Variants in TRIM55 observed in about 807,000 individuals in gnomAD.
TRIM55 encodes the protein tripartite motif-containing protein 55.
In TRIM55, 50 loss-of-function variants were observed where a neutral mutation model predicts 60.9. The observed-to-expected ratio is 0.82, with a 90% CI of 0.65 to 1.04. The LOEUF (loss-of-function observed/expected upper bound fraction) is 1.04, where lower values mean the gene tolerates loss of function less well. TRIM55 is among the 50% of genes least tolerant of loss of function. The pLI is 0.00. For synonymous variants in TRIM55, 237 were observed against 238.1 expected (o/e 1.00, Z 0.04); for missense variants, 681 against 666.9 (o/e 1.02, Z -0.23).
chr8:66,170,117 C>T (rs1490776343), intron 9 of TRIM55, among the ~76,000 whole-genome samples: 1 of 152,060 alleles, frequency 6.6e-6, no homozygotes, highest in Non-Finnish European at 1.5e-5. Context: ...TGTATACTCC[C>T]ATTACACATT....
chr8:66,135,879 T>C (rs1030364345), intron 3 of TRIM55, among the ~76,000 whole-genome samples: 2 of 152,098 alleles, frequency 1.3e-5, no homozygotes, highest in Non-Finnish European at 2.9e-5. Context: ...CTGGTACAGA[T>C]AAAAGTGGAG....
At chr8:66,154,712 G>C (rs1810644727) in intron 9 of TRIM55, among the ~76,000 whole-genome samples, 1 of 152,128 alleles carries the variant, frequency 6.6e-6, no homozygotes, top group East Asian at 1.9e-4. Context: ...TGTCCTCCTT[G>C]GGCTTCTAAA....
chr8:66,114,161 G>A, the TRIM55 span, among the ~76,000 whole-genome samples: 158 of 147,848 alleles, frequency 1.1e-3, no homozygotes, highest in African/African-American at 3.7e-3. Context: ...TTCTCTAAAG[G>A]AACAGATAAT....
At chr8:66,156,772 C>T (rs1342900155) in intron 9 of TRIM55, among the ~76,000 whole-genome samples, 2 of 152,092 alleles carry the variant, frequency 1.3e-5, no homozygotes, top group African/African-American at 4.8e-5. Flanking sequence ...TCAGCAATGG[C>T]GGTGGCGTCT....
the TRIM55 span, among the ~76,000 whole-genome samples, chr8:66,120,790 A>G: frequency 1.8e-4 from 27 of 152,284 alleles, no homozygotes; most frequent in Middle Eastern, 6.8e-3. Context: ...TTTTGGCTCT[A>G]ATAAAACTGT....
intron 3 of TRIM55, among the ~76,000 whole-genome samples, chr8:66,136,056 T>G (rs1199967307): frequency 1.3e-5 from 2 of 152,234 alleles, no homozygotes; most frequent in Non-Finnish European, 2.9e-5. Context: ...CAACACCAAT[T>G]ACAGCTAGTG....
intron 4 of TRIM55, among the ~76,000 whole-genome samples, chr8:66,140,480 G>T (rs1010439604): frequency 2.0e-5 from 3 of 152,230 alleles, no homozygotes; most frequent in Non-Finnish European, 4.4e-5. Flanking sequence ...TGTTCTCAAA[G>T]CCCCATGGAG....
chr8:66,130,468 C>G (rs1312797737), intron 2 of TRIM55, among the ~76,000 whole-genome samples: 1 of 150,282 alleles, frequency 6.7e-6, no homozygotes, highest in Non-Finnish European at 1.5e-5. Context: ...CTTACTAGAC[C>G]AGAATCTTGA....
At chr8:66,173,973 A>G (rs1003760732) in intron 9 of TRIM55, among the ~76,000 whole-genome samples, 2 of 152,176 alleles carry the variant, frequency 1.3e-5, no homozygotes, top group Admixed American at 6.5e-5. Flanking sequence ...AAATTATAGT[A>G]AGAAAATATA....
At chr8:66,137,612 G>A (rs187199827) in intron 4 of TRIM55, among the ~76,000 whole-genome samples, 106 of 152,260 alleles carry the variant, frequency 7.0e-4, no homozygotes, top group Admixed American at 1.5e-3. Context: ...GCAGTGCTGC[G>A]AAGTGGCCAT....
At chr8:66,166,581 G>A (rs1031687349) in intron 9 of TRIM55, among the ~76,000 whole-genome samples, 146 of 152,204 alleles carry the variant, frequency 9.6e-4, no homozygotes, top group Non-Finnish European at 2.9e-5. Flanking sequence ...CGTGGCAGTG[G>A]CTGTAACAAA....
chr8:66,149,898 C>A lies in TRIM55; in HGVS notation c.837+20C>A, dbSNP rs1469066356. On this transcript the variant is annotated intron_variant, in intron 5 of 9. Transcript: ENST00000315962. Reference sequence around the variant, plus strand: ...CTGCAGGTAAGTCTCTTTTTGGCACCAAAGTAACAACCCAAAAGGTGGGTG... The same window carrying A: ...CTGCAGGTAAGTCTCTTTTTGGCACAAAAGTAACAACCCAAAAGGTGGGTG... The A allele has an allele frequency of 1.3e-6, 2 of 1,581,614 alleles. No individual in the cohort carries two copies. Among genetic ancestry groups the A allele is most frequent in the South Asian group, 1.1e-5 (1 of 90,230 alleles).
chr8:66,137,260 G>T, intron 4 of TRIM55, 70 bp downstream of exon 4: 1 of 1,137,816 alleles, frequency 8.8e-7, no homozygotes, highest in Non-Finnish European at 1.3e-6. Flanking sequence ...CTTCCTTAGT[G>T]CCACACTAGA....
At chr8:66,140,914 G>A (rs530559733) in intron 4 of TRIM55, among the ~76,000 whole-genome samples, 1 of 152,324 alleles carries the variant, frequency 6.6e-6, no homozygotes, top group African/African-American at 2.4e-5. Flanking sequence ...TTGGTGAAGA[G>A]TTCCTTAGGG....
intron 2 of TRIM55, among the ~76,000 whole-genome samples, chr8:66,129,361 C>G (rs1809011561): frequency 6.6e-6 from 1 of 152,186 alleles, no homozygotes; most frequent in African/African-American, 2.4e-5. Context: ...TTGAGACCAT[C>G]TAGAAATGGC....
At chr8:66,116,377 C>T in the TRIM55 span, among the ~76,000 whole-genome samples, 2 of 152,030 alleles carry the variant, frequency 1.3e-5, no homozygotes, top group Non-Finnish European at 2.9e-5. Flanking sequence ...GAGGCCCGGG[C>T]AGACAGATCC....
chr8:66,138,995 C>A (rs1235191045), intron 4 of TRIM55, among the ~76,000 whole-genome samples: 1 of 152,162 alleles, frequency 6.6e-6, no homozygotes, highest in Non-Finnish European at 1.5e-5. Flanking sequence ...TAAAATCAAT[C>A]TCGTTTCTTC....
rs753729648 is a variant in TRIM55, at chr8:66,150,239, A to T, written c.860A>T (p.Lys287Ile). The T allele has an allele frequency of 1.9e-6, 3 of 1,613,200 alleles. No individual in the cohort carries two copies. In the Admixed American group the frequency reaches 5.0e-5, roughly 27 times the overall value. The change falls in exon 6 of 10, where the codon AAA (lysine) becomes ATA (isoleucine). Residue 287 changes from lysine to isoleucine, a missense_variant and splice_region_variant. By Grantham distance (102) the Lys-to-Ile change is moderately radical. Transcript: ENST00000315962. ...CAGAATGCCAAAACCCTGCTAAAAAAGTAAGAACTTTTTATTTTATGTAAA... is the reference window on the plus strand; with the variant it reads ...CAGAATGCCAAAACCCTGCTAAAAATGTAAGAACTTTTTATTTTATGTAAA... Reference protein sequence around the residue: ...FLQNAKTLLKKISEASKAFQM... With the variant: ...FLQNAKTLLKIISEASKAFQM...
At chr8:66,153,840 C>G (rs911530536) in intron 8 of TRIM55, among the ~76,000 whole-genome samples, 2 of 152,106 alleles carry the variant, frequency 1.3e-5, no homozygotes, top group African/African-American at 4.8e-5. Context: ...AAGAGGGCAC[C>G]CATCCAGATG....
Sources: gnomAD v4.1 joint callset for allele counts (sites outside exome capture counted in the v4.1 genomes callset) on GRCh38, gnomAD v4.1.1 for gene constraint, MANE v1.5 for transcripts, NCBI Gene and HGNC (gene_info 2026-07-23, HGNC 2026-07-21) for gene names.